The following TJP2 variants were observed in gnomAD, a reference collection of about 807,000 sequenced individuals.
TJP2 encodes Friedreich ataxia region gene X104 (tight junction protein ZO-2).
A neutral mutation model predicts 133.1 loss-of-function variants in TJP2; 91 were observed. The ratio of observed to expected loss-of-function variants is 0.68; its 90% confidence interval spans 0.58 to 0.81. The LOEUF (loss-of-function observed/expected upper bound fraction) is 0.81. Among genes scored for constraint, TJP2 ranks in the 40% least tolerant of loss-of-function variants. TJP2 has a pLI of 0.00. For synonymous variants in TJP2, 592 were observed against 583.4 expected (o/e 1.01, Z -0.21); for missense variants, 1,541 against 1,565.6 (o/e 0.98, Z 0.26).
chr9:69,194,733 G>A (rs1826429521), intron 1 of TJP2, among the ~76,000 whole-genome samples: 1 of 152,066 alleles, frequency 6.6e-6, no homozygotes, highest in Non-Finnish European at 1.5e-5. Flanking sequence ...CTTCTCAAAC[G>A]TTAATGTGCA....
Position 69,221,205 on chromosome 9 carries a change from C to T in TJP2, c.661C>T (p.Leu221=). 3 of 1,603,524 alleles carry T rather than the reference C, an allele frequency of 1.9e-6. No homozygotes were observed. The highest frequency in any genetic ancestry group is 2.6e-6 in the Non-Finnish European group (3 of 1,175,254). ...RTRDRSRGRS[L]ERGLDHDFGP... is the part of the protein sequence containing the mutation. ...CCGAGACCGCAGCCGTGGCCGGAGC[C>T]TGGAGCGGGGCCTGGACCACGACTT... The change falls in exon 5 of 23, where the codon CTG becomes TTG. Residue 221 remains leucine, a synonymous_variant. Coordinates refer to ENST00000377245, the MANE Select transcript of TJP2 (RefSeq NM_004817.4).
intron 1 of TJP2, among the ~76,000 whole-genome samples, chr9:69,211,643 T>C (rs1588068087): frequency 6.6e-6 from 1 of 152,202 alleles, no homozygotes; most frequent in African/African-American, 2.4e-5. Context: ...CAGGGTGTGG[T>C]CACGTCTGTA....
At chr9:69,239,167 C>T (rs988308257) in intron 16 of TJP2, among the ~76,000 whole-genome samples, 7 of 152,090 alleles carry the variant, frequency 4.6e-5, no homozygotes, top group Non-Finnish European at 8.8e-5. Flanking sequence ...CCAGCCTGGG[C>T]GACGAGTGAA....
chr9:69,254,553 C>G lies in TJP2; in HGVS notation c.*179C>G. The stretch of plus-strand genomic sequence containing the variant: ...GCTGGTGCAAATTCAGAACTGAGGG[C>G]TCTGTTTGTGGGACTGGGTTAGAGG... On this transcript the variant is annotated 3_prime_UTR_variant, in exon 23 of 23. Transcript: ENST00000377245. 1.3e-6 allele frequency: 1 copy of G among 785,930 alleles called. No homozygotes were observed. Among genetic ancestry groups the G allele is most frequent in the Non-Finnish European group, 2.1e-6 (1 of 473,612 alleles). 48.7% of individuals were successfully genotyped at this position (785,930 alleles called of 1,614,324 possible).
rs920215605 is a variant in TJP2, at chr9:69,178,723, C to T, written c.60+4291C>T. ...GTTTGTTTTAACGTCTGGCCCAATT[C>T]TCATTCCTTTCTCTGCTTCCACAAG... is the stretch of plus-strand genomic sequence containing the variant. On this transcript the variant is annotated intron_variant, in intron 1 of 22. Coordinates refer to ENST00000377245, the MANE Select transcript of TJP2 (RefSeq NM_004817.4). Among the ~76,000 whole-genome samples, 6 of 152,318 alleles carry T rather than the reference C, an allele frequency of 3.9e-5. No individual in the cohort carries two copies. In the South Asian group the frequency reaches 1.2e-3, roughly 32 times the overall value.
chr9:69,167,531 CTTACACCTTAAGT>C (rs1331227695), intron 2 of TJP2, among the ~76,000 whole-genome samples: 1 of 152,036 alleles, frequency 6.6e-6, no homozygotes, highest in Non-Finnish European at 1.5e-5. Flanking sequence ...TGTAAATAGC[CTTACACCTTAAGT>C]TACTTGCTTT....
chr9:69,185,223 G>A (rs928450116), intron 1 of TJP2, among the ~76,000 whole-genome samples: 5 of 152,032 alleles, frequency 3.3e-5, no homozygotes, highest in African/African-American at 1.2e-4. Context: ...CACCACACCC[G>A]GCTAATTTTT....
chr9:69,144,750 A>C (rs186915771), intron 1 of TJP2, among the ~76,000 whole-genome samples: 1 of 152,204 alleles, frequency 6.6e-6, no homozygotes, highest in Admixed American at 6.5e-5. Context: ...AGCCCTCTCC[A>C]TGTGGCGGGG....
Position 69,239,918 on chromosome 9 carries a change from T to C in TJP2, c.2356-19T>C, listed in dbSNP as rs778954385. ...ACTTTATATATCCATTTCTCTAACT[T>C]TTCCCCTTTTGTAAACAGGATAAGC... On this transcript the variant is annotated intron_variant, in intron 16 of 22. Coordinates refer to ENST00000377245, the MANE Select transcript of TJP2 (RefSeq NM_004817.4). 1.9e-6 allele frequency: 3 copies of C among 1,605,902 alleles called. No homozygotes were observed. Among genetic ancestry groups the C allele is most frequent in the African/African-American group, 2.7e-5 (2 of 74,838 alleles).
upstream of TJP2, chr9:69,174,134 AT>A: frequency 8.0e-7 from 1 of 1,244,050 alleles, no homozygotes; most frequent in Non-Finnish European, 1.0e-6. Context: ...GTAGCGGCCA[AT>A]TTGACAGTTT....
At chr9:69,198,141 C>CTTTTTTT (rs5898062) in intron 1 of TJP2, among the ~76,000 whole-genome samples, 5 of 96,346 alleles carry the variant, frequency 5.2e-5, no homozygotes, top group African/African-American at 7.4e-5. Context: ...TTTCCCAATT[C>CTTTTTTT]TTTTTTTTTT....
At chr9:69,141,843 C>T (rs1202704342) in intron 1 of TJP2, among the ~76,000 whole-genome samples, 1 of 152,194 alleles carries the variant, frequency 6.6e-6, no homozygotes, top group African/African-American at 2.4e-5. Context: ...CCCACCTCGG[C>T]CTGCCACAGT....
chr9:69,206,188 G>A lies in TJP2; in HGVS notation c.61-6360G>A, dbSNP rs182559089. Among the ~76,000 whole-genome samples, 334 of 152,268 alleles carry A rather than the reference G, an allele frequency of 2.2e-3. 2 individuals carry two copies. The highest frequency in any genetic ancestry group is 8.1e-3 in the Admixed American group (124 of 15,294). The stretch of plus-strand genomic sequence containing the variant: ...AACACTACTTACGTGAAAAGTAAAA[G>A]TGATAAGGAAAGATGATGAAAGCAC... On this transcript the variant is annotated intron_variant, in intron 1 of 22. Transcript: ENST00000377245.
intron 2 of TJP2, 68 bp from the exon 3 acceptor site, chr9:69,216,271 G>A: frequency 6.3e-7 from 1 of 1,590,912 alleles, no homozygotes; most frequent in Non-Finnish European, 8.6e-7. Context: ...ATTTTATTGA[G>A]TGCTTGTAAT....
intron 1 of TJP2, chr9:69,204,802 TG>T: frequency 1.9e-6 from 2 of 1,053,288 alleles, no homozygotes; most frequent in Non-Finnish European, 2.3e-6. Context: ...TTTTCCATAA[TG>T]TTGCTCTAAA....
At chr9:69,204,079 C>A (rs144531242) in intron 1 of TJP2, among the ~76,000 whole-genome samples, 21 of 152,318 alleles carry the variant, frequency 1.4e-4, no homozygotes, top group African/African-American at 5.1e-4. Context: ...CATTGCCCTT[C>A]TGAAGTGTAG....
At chr9:69,155,808 G>A (rs1442843729) in intron 2 of TJP2, among the ~76,000 whole-genome samples, 1 of 152,346 alleles carries the variant, frequency 6.6e-6, no homozygotes, top group Admixed American at 6.5e-5. Flanking sequence ...ACCCCCTTAA[G>A]AGGATGTGGC....
intron 2 of TJP2, among the ~76,000 whole-genome samples, chr9:69,156,890 C>T (rs1823798291): frequency 6.6e-6 from 1 of 152,122 alleles, no homozygotes; most frequent in Admixed American, 6.5e-5. Context: ...AGAGGGGCTG[C>T]CAGGTCATAG....
intron 1 of TJP2, among the ~76,000 whole-genome samples, chr9:69,175,989 A>G (rs2498436): frequency 0.25 from 38,726 of 152,082 alleles, 5,247 homozygotes; most frequent in South Asian, 0.4. Flanking sequence ...AAAGATGAAC[A>G]AGATTCAATT....
Sources: gnomAD v4.1 joint callset for allele counts (sites outside exome capture counted in the v4.1 genomes callset) on GRCh38, gnomAD v4.1.1 for gene constraint, MANE v1.5 for transcripts, NCBI Gene and HGNC (gene_info 2026-07-23, HGNC 2026-07-21) for gene names.